SLC4A8: variants seen among roughly 807,000 people sequenced by gnomAD.
SLC4A8 encodes solute carrier family 4 member 8, also known as electroneutral sodium bicarbonate exchanger 1.
Under a neutral mutation model 125.0 loss-of-function variants are expected in SLC4A8, and 40 were observed. The observed-to-expected ratio is 0.32, with a 90% CI of 0.25 to 0.42. The LOEUF (loss-of-function observed/expected upper bound fraction) is 0.42. Ranked by LOEUF, SLC4A8 falls within the 10% of genes least tolerant of loss-of-function variation. The pLI is 1.00. For synonymous variants in SLC4A8, 456 were observed against 476.0 expected (o/e 0.96, Z 0.55); for missense variants, 863 against 1,355.1 (o/e 0.64, Z 5.70).
At chr12:51,473,008 C>T (rs184439579) in intron 14 of SLC4A8, among the ~76,000 whole-genome samples, 56 of 152,178 alleles carry the variant, frequency 3.7e-4, no homozygotes, top group African/African-American at 8.4e-4. Flanking sequence ...TATCCCACAC[C>T]GGAGTGGTAA....
intron 21 of SLC4A8, 141 bp downstream of exon 21, chr12:51,495,259 A>G: frequency 1.5e-6 from 1 of 676,682 alleles, no homozygotes; most frequent in Non-Finnish European, 2.4e-6. Flanking sequence ...AGCTATTACC[A>G]CCCTCCAGCT....
chr12:51,461,975 C>T (rs556411703), intron 9 of SLC4A8: 1 of 179,260 alleles, frequency 5.6e-6, no homozygotes, highest in Non-Finnish European at 1.1e-5. Flanking sequence ...TCCCTCTCAA[C>T]GTGGGAAAGC....
chr12:51,436,733 T>C (rs1452435949), intron 1 of SLC4A8, among the ~76,000 whole-genome samples: 1 of 152,182 alleles, frequency 6.6e-6, no homozygotes, highest in African/African-American at 2.4e-5. Context: ...TTCAAGTGAT[T>C]CTCCTGCCTC....
chr12:51,392,503 G>C (rs975838422), intron 1 of SLC4A8, among the ~76,000 whole-genome samples: 2 of 150,928 alleles, frequency 1.3e-5, no homozygotes, highest in Non-Finnish European at 3.0e-5. Context: ...AACTCGGGAG[G>C]GGGAGGTTGC....
chr12:51,410,458 C>T (rs1363291522), intron 1 of SLC4A8, among the ~76,000 whole-genome samples: 1 of 151,426 alleles, frequency 6.6e-6, no homozygotes, highest in Non-Finnish European at 1.5e-5. Flanking sequence ...TGAAATTAAT[C>T]TCTTTTTTTT....
rs1213186973 is a variant in SLC4A8 at position 51,508,946 on chromosome 12, C to G, written c.*1508C>G. Reference sequence around the variant, plus strand: ...GACTTTTAAAATATACTAATGTATTCTAGTCTTACTCTAAAGACCTTTGAT... The same window carrying G: ...GACTTTTAAAATATACTAATGTATTGTAGTCTTACTCTAAAGACCTTTGAT... On this transcript the variant is annotated 3_prime_UTR_variant, in exon 25 of 25. Coordinates refer to ENST00000453097, the MANE Select transcript of SLC4A8 (RefSeq NM_001039960.3). The G allele has an allele frequency of 1.3e-5, 2 of 152,526 alleles. No individual in the cohort carries two copies. The highest frequency in any genetic ancestry group is 1.5e-5 in the Non-Finnish European group (1 of 68,016). The allele number at this position is 152,526 out of a possible 1,614,324, so 9.4% of individuals were successfully genotyped here. A position where few individuals can be genotyped will look rare whatever the true frequency, so the allele number is the denominator to read the frequency against.
intron 17 of SLC4A8, among the ~76,000 whole-genome samples, chr12:51,487,862 C>T (rs1373751452): frequency 6.6e-6 from 1 of 152,234 alleles, no homozygotes; most frequent in Non-Finnish European, 1.5e-5. Context: ...ATGCAGATGG[C>T]TCCACTTTGC....
At chr12:51,447,747 C>T (rs562611855) in intron 2 of SLC4A8, among the ~76,000 whole-genome samples, 22 of 139,712 alleles carry the variant, frequency 1.6e-4, no homozygotes, top group African/African-American at 4.8e-4. Flanking sequence ...GTCAGAGTCT[C>T]GCTCTGTCAC....
At position 51,505,858 on chromosome 12, in the gene SLC4A8, T is replaced by C. The variant is rs1592284997; in HGVS notation, c.3197T>C (p.Ile1066Thr). 6.4e-7 allele frequency: 1 copy of C among 1,567,522 alleles called. No individual in the cohort carries two copies. The highest frequency in any genetic ancestry group is 8.8e-7 in the Non-Finnish European group (1 of 1,140,050). ...AGATGTGACCCCTCTGAGATTAATA[T>C]ATCTGATGAAATGCCTAAAACTACA... ...SCRCDPSEIN[I>T]SDEMPKTTVW... is the part of the protein sequence containing the mutation. The change falls in exon 24 of 25, where the codon ATA becomes ACA. Residue 1066 changes from isoleucine to threonine, a missense_variant. Physicochemically the swap from Ile to Thr is moderately conservative, Grantham distance 89. Coordinates refer to ENST00000453097, the MANE Select transcript of SLC4A8 (RefSeq NM_001039960.3).
At chr12:51,447,937 T>A (rs1022112214) in intron 2 of SLC4A8, among the ~76,000 whole-genome samples, 5 of 152,068 alleles carry the variant, frequency 3.3e-5, no homozygotes, top group Non-Finnish European at 5.9e-5. Flanking sequence ...GCCAGGATTG[T>A]CTTGATCTCC....
At chr12:51,440,870 T>A in intron 2 of SLC4A8, 81 bp downstream of exon 2, 2 of 1,200,774 alleles carry the variant, frequency 1.7e-6, no homozygotes, top group Non-Finnish European at 2.3e-6. Context: ...GTGTCCTAAC[T>A]CTCTCACTAG....
intron 11 of SLC4A8, among the ~76,000 whole-genome samples, chr12:51,465,414 A>G (rs576387721): frequency 7.5e-4 from 114 of 152,282 alleles, no homozygotes; most frequent in Non-Finnish European, 1.2e-3. Flanking sequence ...CTTATAATCA[A>G]TTCCACCTGA....
chr12:51,457,210 G>A, intron 5 of SLC4A8, 141 bp from the exon 6 acceptor site: 1 of 530,444 alleles, frequency 1.9e-6, no homozygotes, highest in Non-Finnish European at 3.3e-6. Flanking sequence ...CTTTCAGACA[G>A]GAAGCTGAAA....
intron 1 of SLC4A8, among the ~76,000 whole-genome samples, chr12:51,395,727 T>C (rs1948246547): frequency 1.3e-5 from 2 of 152,174 alleles, no homozygotes; most frequent in South Asian, 4.1e-4. Flanking sequence ...GTCCTATCAC[T>C]ACCTCTCATC....
intron 14 of SLC4A8, 32 bp downstream of exon 14, chr12:51,471,564 T>G (rs1279164035): frequency 1.2e-6 from 2 of 1,600,528 alleles, no homozygotes; most frequent in African/African-American, 2.7e-5. Context: ...TTTTAAAAAT[T>G]GAGCAAAGGG....
At position 51,514,783 on chromosome 12, in the gene SLC4A8, G is replaced by T. The variant is rs529488329; in HGVS notation, c.*7345G>T. ...CAGTTAACATCTTTTCATCAGAAAG[G>T]AGGGTAATATTCATAACCAAAAGAG... On this transcript the variant is annotated 3_prime_UTR_variant, in exon 25 of 25. Transcript: ENST00000453097. The T allele has an allele frequency of 6.6e-6, 1 of 152,300 alleles. No homozygotes were observed. The highest frequency in any genetic ancestry group is 2.4e-5 in the African/African-American group (1 of 41,562). The allele number at this position is 152,300 out of a possible 1,614,324, so 9.4% of individuals were successfully genotyped here.
chr12:51,498,861 C>A (rs1297573472), intron 22 of SLC4A8, among the ~76,000 whole-genome samples: 4 of 81,136 alleles, frequency 4.9e-5, no homozygotes, highest in Admixed American at 1.6e-4. Flanking sequence ...GCCTGGGTGA[C>A]AGAGAGAGAT....
chr12:51,432,824 G>C (rs890862679), intron 1 of SLC4A8, among the ~76,000 whole-genome samples: 2 of 152,092 alleles, frequency 1.3e-5, no homozygotes, highest in Non-Finnish European at 2.9e-5. Flanking sequence ...ACTTTTTTGG[G>C]GGGGGTCTTG....
chr12:51,489,247 C>T (rs977283017), intron 18 of SLC4A8, among the ~76,000 whole-genome samples: 5 of 152,062 alleles, frequency 3.3e-5, no homozygotes, highest in African/African-American at 7.2e-5. Flanking sequence ...GTTTCTAGGC[C>T]GAAACTGGAA....
Sources: allele counts gnomAD v4.1 joint callset (sites outside exome capture counted in the v4.1 genomes callset), GRCh38; gene constraint gnomAD v4.1.1; transcripts MANE v1.5; gene names NCBI Gene and HGNC (gene_info 2026-07-23, HGNC 2026-07-21).